EYS: variants seen among roughly 807,000 people sequenced by gnomAD.
EYS encodes protein eyes shut homolog.
A neutral mutation model predicts 282.1 loss-of-function variants in EYS; 250 were observed. The observed-to-expected ratio is 0.89, with a 90% CI of 0.80 to 0.98. The LOEUF (loss-of-function observed/expected upper bound fraction) is 0.98, where lower values mean the gene tolerates loss of function less well. Ranked by LOEUF, EYS falls within the 50% of genes least tolerant of loss-of-function variation. EYS has a pLI of 0.00. For synonymous variants in EYS, 1,355 were observed against 1,282.9 expected (o/e 1.06, Z -1.20); for missense variants, 4,016 against 3,709.0 (o/e 1.08, Z -2.15).
intron 11 of EYS, among the ~76,000 whole-genome samples, chr6:65,325,778 TTTTTA>T (rs1233302992): frequency 6.6e-6 from 1 of 152,174 alleles, no homozygotes; most frequent in Non-Finnish European, 1.5e-5. Flanking sequence ...TCGAGATCAT[TTTTTA>T]GGTTAAAAAT....
intron 5 of EYS, among the ~76,000 whole-genome samples, chr6:65,429,527 G>A (rs563804499): frequency 6.6e-6 from 1 of 152,150 alleles, no homozygotes; most frequent in African/African-American, 2.4e-5. Context: ...TACCATAGTG[G>A]CTTCATTGTC....
chr6:65,471,274 G>T (rs1765206600), intron 5 of EYS, among the ~76,000 whole-genome samples: 1 of 149,942 alleles, frequency 6.7e-6, no homozygotes, highest in African/African-American at 2.5e-5. Flanking sequence ...TAGGGTGCCT[G>T]TGGTCCCAGC....
chr6:65,242,957 T>C (rs1767091173), intron 12 of EYS, among the ~76,000 whole-genome samples: 1 of 152,184 alleles, frequency 6.6e-6, no homozygotes, highest in Admixed American at 6.5e-5. Flanking sequence ...CATATTTTAA[T>C]GTGTTTATTT....
chr6:64,576,929 T>C (rs546517204), intron 26 of EYS, among the ~76,000 whole-genome samples: 2 of 152,186 alleles, frequency 1.3e-5, no homozygotes, highest in Non-Finnish European at 2.9e-5. Flanking sequence ...AGAGATGTAA[T>C]TAGTTAAGGT....
At chr6:65,059,281 G>C (rs1177392707) in intron 12 of EYS, among the ~76,000 whole-genome samples, 1 of 152,058 alleles carries the variant, frequency 6.6e-6, no homozygotes, top group African/African-American at 2.4e-5. Context: ...TGCAATCAAG[G>C]AGAGAAGCCA....
intron 12 of EYS, among the ~76,000 whole-genome samples, chr6:65,133,127 A>T (rs1031467367): frequency 5.9e-5 from 9 of 152,056 alleles, no homozygotes; most frequent in African/African-American, 1.9e-4. Flanking sequence ...TAAAATGGCC[A>T]TCCTGCTTCA....
chr6:65,091,685 T>C (rs1774572480), intron 12 of EYS, among the ~76,000 whole-genome samples: 1 of 152,158 alleles, frequency 6.6e-6, no homozygotes, highest in Non-Finnish European at 1.5e-5. Context: ...GTAAGGGGAA[T>C]GGCTGTGGCT....
intron 15 of EYS, among the ~76,000 whole-genome samples, chr6:64,934,876 AAT>A (rs1242096449): frequency 1.3e-5 from 2 of 151,866 alleles, no homozygotes. Flanking sequence ...AACCAGTATA[AAT>A]ATGTTTTGTT....
At chr6:64,235,200 T>A (rs1766555658) in intron 30 of EYS, among the ~76,000 whole-genome samples, 3 of 151,772 alleles carry the variant, frequency 2.0e-5, no homozygotes, top group Admixed American at 1.3e-4. Flanking sequence ...TAACTCGTCA[T>A]TTAGCATTAG....
intron 5 of EYS, among the ~76,000 whole-genome samples, chr6:65,476,665 C>T (rs537791063): frequency 1.3e-5 from 2 of 152,244 alleles, no homozygotes; most frequent in East Asian, 3.9e-4. Flanking sequence ...CAACCTCCAC[C>T]TCCCAGGATC....
At chr6:64,315,165 G>A (rs926393029) in intron 29 of EYS, among the ~76,000 whole-genome samples, 5 of 152,104 alleles carry the variant, frequency 3.3e-5, no homozygotes, top group African/African-American at 1.2e-4. Flanking sequence ...AAATAAACTA[G>A]AAAATCTAGA....
At chr6:64,158,938 G>C (rs117668919) in intron 31 of EYS, among the ~76,000 whole-genome samples, 1 of 152,174 alleles carries the variant, frequency 6.6e-6, no homozygotes, top group East Asian at 1.9e-4. Flanking sequence ...TGCAAGAATA[G>C]TGTTGGGTGT....
intron 2 of EYS, among the ~76,000 whole-genome samples, chr6:65,631,090 CCT>C (rs1766893597): frequency 6.6e-6 from 1 of 152,094 alleles, no homozygotes; most frequent in Non-Finnish European, 1.5e-5. Flanking sequence ...CACACATAAA[CCT>C]CTAATTCGCA....
chr6:65,357,329 A>G (rs1236085180), intron 8 of EYS, among the ~76,000 whole-genome samples: 2 of 151,942 alleles, frequency 1.3e-5, no homozygotes, highest in African/African-American at 4.8e-5. Flanking sequence ...TTGGCTTGCT[A>G]TATGAAATAC....
intron 26 of EYS, among the ~76,000 whole-genome samples, chr6:64,440,534 A>G (rs1405233114): frequency 6.6e-6 from 1 of 152,102 alleles, no homozygotes; most frequent in Non-Finnish European, 1.5e-5. Flanking sequence ...TTAATGACTG[A>G]AAAAATAACA....
chr6:65,705,993 T>C (rs1769864707), intron 1 of EYS, among the ~76,000 whole-genome samples: 1 of 151,888 alleles, frequency 6.6e-6, no homozygotes, highest in African/African-American at 2.4e-5. Context: ...AAATAAAAAC[T>C]TGTTAGAATT....
intron 22 of EYS, among the ~76,000 whole-genome samples, chr6:64,726,659 T>C (rs987842337): frequency 2.6e-4 from 40 of 152,186 alleles, no homozygotes; most frequent in African/African-American, 9.4e-4. Flanking sequence ...AAAAGTCTTT[T>C]TGTAGAATTC....
chr6:63,954,630 T>G (rs1255282730), intron 35 of EYS, among the ~76,000 whole-genome samples: 3 of 152,156 alleles, frequency 2.0e-5, no homozygotes, highest in Non-Finnish European at 4.4e-5. Flanking sequence ...ACGCTTATGC[T>G]GATAAGGTAG....
chr6:63,728,975 C>T (rs1768710675), intron 41 of EYS, among the ~76,000 whole-genome samples: 1 of 152,076 alleles, frequency 6.6e-6, no homozygotes, highest in Non-Finnish European at 1.5e-5. Flanking sequence ...CCTATTGTTC[C>T]ATATCCTTGC....
Sources: allele counts gnomAD v4.1 joint callset (sites outside exome capture counted in the v4.1 genomes callset), GRCh38; gene constraint gnomAD v4.1.1; transcripts MANE v1.5; gene names NCBI Gene and HGNC (gene_info 2026-07-23, HGNC 2026-07-21).